The following CLK3 variants were observed in gnomAD, a reference collection of about 807,000 sequenced individuals.
CLK3 encodes CDC like kinase 3, also known as dual specificity protein kinase CLK3.
A neutral mutation model predicts 65.2 loss-of-function variants in CLK3; 24 were observed. The observed-to-expected ratio is 0.37, with a 90% CI of 0.27 to 0.52. The LOEUF (loss-of-function observed/expected upper bound fraction) is 0.52, where lower values mean the gene tolerates loss of function less well. CLK3 is among the 20% of genes least tolerant of loss of function. The probability of loss-of-function intolerance (pLI) is 0.92; values close to 1 mark genes in which losing one functional copy is unlikely to be tolerated. For missense variants in CLK3, 506 were observed against 660.0 expected (o/e 0.77, Z 2.56); for synonymous variants, 252 against 240.8 (o/e 1.05, Z -0.43).
rs1223685841 is a variant in CLK3, at chr15:74,624,788, A to T, written c.534-114A>T. Reference sequence around the variant, plus strand: ...TGGGCATCCAGTATCTGCTCTCTTCAGTGCCGGCTGCTCCTGGAGTGGTGT... The same window carrying T: ...TGGGCATCCAGTATCTGCTCTCTTCTGTGCCGGCTGCTCCTGGAGTGGTGT... On this transcript the variant is annotated intron_variant, in intron 5 of 12. Coordinates refer to ENST00000395066, the MANE Select transcript of CLK3 (RefSeq NM_001130028.2). This position sits in a 1 kb window ranked among gnomAD's most constrained non-coding sequence, Gnocchi z 4.2. 5 of 747,630 alleles carry T rather than the reference A, an allele frequency of 6.7e-6. No individual in the cohort carries two copies. Among genetic ancestry groups the T allele is most frequent in the Non-Finnish European group, 1.2e-5 (5 of 422,696 alleles). The allele number at this position is 747,630 out of a possible 1,614,324, so 46.3% of individuals were successfully genotyped here.
intron 7 of CLK3, chr15:74,626,971 C>G: frequency 2.2e-6 from 1 of 461,206 alleles, no homozygotes; most frequent in Non-Finnish European, 4.3e-6. Context: ...AGGGGACCTG[C>G]ATTTTCATTT....
At chr15:74,615,442 G>A (rs1390183475), upstream of CLK3, 3 of 1,275,412 alleles carry the variant, frequency 2.4e-6, no homozygotes, top group East Asian at 9.4e-5. Context: ...CGCTCTCCGG[G>A]GCCCCGAGAA....
chr15:74,627,030 A>G lies in CLK3; in HGVS notation c.818-322A>G, dbSNP rs1220053369. 2.0e-6 allele frequency: 1 copy of G among 500,796 alleles called. No homozygotes were observed. The highest frequency in any genetic ancestry group is 2.3e-5 in the Admixed American group (1 of 43,768). 31.0% of individuals were successfully genotyped at this position (500,796 alleles called of 1,614,324 possible). A position where few individuals can be genotyped will look rare whatever the true frequency, so the allele number is the denominator to read the frequency against. ...TAGCTGGTGCAGGGAAGAGGGAACC[A>G]CCTCGAGGCTGTTGCTGTAGCTCTG... On this transcript the variant is annotated intron_variant, in intron 7 of 12. Coordinates refer to ENST00000395066, the MANE Select transcript of CLK3 (RefSeq NM_001130028.2). The surrounding 1 kb of genome is among the most constrained non-coding windows in gnomAD (Gnocchi z 4.3).
chr15:74,627,628 T>G lies in CLK3; in HGVS notation c.1002T>G (p.Ile334Met), dbSNP rs2062154390. 6.2e-7 allele frequency: 1 copy of G among 1,614,040 alleles called. No individual in the cohort carries two copies. ...ATFDHEHHTT[I>M]VATRHYRPPE... ...TTGACCATGAGCACCACACCACCAT[T>G]GTGGCCACCCGTCACTATCGCCCGC... The change falls in exon 9 of 13, where the codon ATT becomes ATG. Residue 334 changes from isoleucine (I) to methionine (M), a missense_variant. By Grantham distance (10) the Ile-to-Met change is conservative (BLOSUM62 1). Transcript: ENST00000395066. The surrounding 1 kb of genome is among the most constrained non-coding windows in gnomAD (Gnocchi z 4.3).
At chr15:74,628,578 C>G in intron 10 of CLK3, 26 bp from the exon 11 acceptor site, 3 of 1,588,578 alleles carry the variant, frequency 1.9e-6, no homozygotes, top group Non-Finnish European at 1.7e-6. Context: ...TACTGACCCC[C>G]TTGCACTGTC....
Position 74,615,918 on chromosome 15 carries a change from CGCGGCGGCGACA to C in CLK3, c.-1+30_-1+41del, listed in dbSNP as rs1442182645. On this transcript the variant is annotated intron_variant, in intron 1 of 12. Coordinates refer to ENST00000395066, the MANE Select transcript of CLK3 (RefSeq NM_001130028.2). ...GAGACGGTAAGTGTGGGCTGGGGTC[CGCGGCGGCGACA>C]GCGGCGGCGGCGGCCGGGGGTGAGT... 22 of 1,243,060 alleles carry C rather than the reference CGCGGCGGCGACA, an allele frequency of 1.8e-5. No individual in the cohort carries two copies. The highest frequency in any genetic ancestry group is 1.2e-4 in the Admixed American group (3 of 24,014). The allele number at this position is 1,243,060 out of a possible 1,614,324, so 77.0% of individuals were successfully genotyped here.
intron 7 of CLK3, among the ~76,000 whole-genome samples, chr15:74,626,186 C>G (rs975352655): frequency 1.3e-5 from 2 of 152,200 alleles, no homozygotes; most frequent in Non-Finnish European, 2.9e-5. Flanking sequence ...CTGGACCAGC[C>G]TCTCTACCCC....
At chr15:74,609,501 C>A (rs569848394) in intron 1 of CLK3, among the ~76,000 whole-genome samples, 1 of 152,388 alleles carries the variant, frequency 6.6e-6, no homozygotes, top group South Asian at 2.1e-4. Flanking sequence ...GGCCCAGGCT[C>A]CCTTGCCTCT....
upstream of CLK3, among the ~76,000 whole-genome samples, chr15:74,613,713 CG>C (rs1206327833): frequency 1.3e-5 from 2 of 152,006 alleles, no homozygotes; most frequent in Admixed American, 1.3e-4. Context: ...ACATCCATCC[CG>C]GGGACAGAAG....
chr15:74,617,454 G>T (rs548253496), intron 1 of CLK3, among the ~76,000 whole-genome samples: 1 of 152,364 alleles, frequency 6.6e-6, no homozygotes, highest in East Asian at 1.9e-4. Flanking sequence ...AATCCTCACA[G>T]AACCTTGTAA....
chr15:74,612,529 G>A (rs1596281161), upstream of CLK3, among the ~76,000 whole-genome samples: 1 of 152,030 alleles, frequency 6.6e-6, no homozygotes, highest in East Asian at 1.9e-4. Flanking sequence ...GGCTCTGAAA[G>A]GGCACAGGAG....
chr15:74,614,891 G>A (rs957613070), upstream of CLK3: 1 of 152,378 alleles, frequency 6.6e-6, no homozygotes, highest in African/African-American at 2.4e-5. Flanking sequence ...TAGGCGCCAC[G>A]CCCTGTCGCT....
intron 3 of CLK3, chr15:74,620,990 C>T (rs1331024492): frequency 3.9e-5 from 6 of 152,368 alleles, no homozygotes; most frequent in Non-Finnish European, 8.8e-5. Flanking sequence ...CGCTCAGTCC[C>T]CTGGGGAAGC....
At chr15:74,625,737 C>A in intron 6 of CLK3, 65 bp from the exon 7 acceptor site, 1 of 1,576,770 alleles carries the variant, frequency 6.3e-7, no homozygotes, top group Non-Finnish European at 8.7e-7. Context: ...CTGTCTTCAT[C>A]TGAGAGAGGG....
chr15:74,629,498 C>A, intron 12 of CLK3: 2 of 589,826 alleles, frequency 3.4e-6, no homozygotes, highest in Non-Finnish European at 6.0e-6. Flanking sequence ...AGCAAGACAC[C>A]TAGTAGCCTG....
rs747848324 is a variant in CLK3, at chr15:74,627,589, T to C, written c.963T>C (p.Phe321=). 4 of 1,614,216 alleles carry C rather than the reference T, an allele frequency of 2.5e-6. No individual in the cohort carries two copies. The South Asian group carries it at 3.3e-5, about 13-fold the overall frequency. The change falls in exon 9 of 13, where the codon TTT becomes TTC. Residue 321 remains phenylalanine (F), a synonymous_variant. Coordinates refer to ENST00000395066, the MANE Select transcript of CLK3 (RefSeq NM_001130028.2). This position sits in a 1 kb window ranked among gnomAD's most constrained non-coding sequence, Gnocchi z 4.3. The part of the protein sequence containing the change: ...VKNTSIRVAD[F]GSATFDHEHH... ...ACACCAGCATCCGAGTGGCTGACTT[T>C]GGCAGTGCCACATTTGACCATGAGC...
At chr15:74,626,143 G>A (rs2062141919) in intron 7 of CLK3, among the ~76,000 whole-genome samples, 175 bp downstream of exon 7, 1 of 152,164 alleles carries the variant, frequency 6.6e-6, no homozygotes, top group African/African-American at 2.4e-5. Flanking sequence ...TCAGTGTGAG[G>A]ATGGAAAGGC....
At chr15:74,628,765 G>T in intron 11 of CLK3, 82 bp downstream of exon 11, 1 of 1,241,972 alleles carries the variant, frequency 8.1e-7, no homozygotes, top group Non-Finnish European at 1.1e-6. Context: ...ACTGGATGTG[G>T]TGAGTCTTTG....
chr15:74,615,777 G>A, upstream of CLK3: 1 of 1,243,344 alleles, frequency 8.0e-7, no homozygotes, highest in African/African-American at 1.5e-5. Flanking sequence ...GTCGAGCCGA[G>A]GCTGGCGACG....
Sources: gnomAD v4.1 joint callset for allele counts (sites outside exome capture counted in the v4.1 genomes callset) on GRCh38, gnomAD v4.1.1 for gene constraint, Gnocchi (gnomAD v3.1) non-coding constraint, MANE v1.5 for transcripts, NCBI Gene and HGNC (gene_info 2026-07-23, HGNC 2026-07-21) for gene names.